Variants in SMAD5 observed in about 807,000 individuals in gnomAD.
The protein encoded by SMAD5 is SMAD family member 5, also known as MAD, mothers against decapentaplegic homolog 5.
SMAD5 carries 9 observed loss-of-function variants against 43.1 expected under a neutral mutation model. The observed-to-expected ratio is 0.21, with a 90% CI of 0.13 to 0.36. The LOEUF (loss-of-function observed/expected upper bound fraction) is 0.36. Among genes scored for constraint, SMAD5 ranks in the 10% least tolerant of loss-of-function variants. The probability of loss-of-function intolerance (pLI) is 1.00; values close to 1 mark genes in which losing one functional copy is unlikely to be tolerated. For synonymous variants in SMAD5, 190 were observed against 192.4 expected (o/e 0.99, Z 0.10); for missense variants, 348 against 574.0 (o/e 0.61, Z 4.02).
chr5:136,148,350 C>T (rs995106681), intron 2 of SMAD5, among the ~76,000 whole-genome samples: 2 of 151,510 alleles, frequency 1.3e-5, no homozygotes, highest in Non-Finnish European at 1.5e-5. Context: ...TTACCCTCCT[C>T]CCGAACAAAG....
chr5:136,158,234 GC>G, intron 3 of SMAD5, among the ~76,000 whole-genome samples: 1 of 151,766 alleles, frequency 6.6e-6, no homozygotes, highest in South Asian at 2.1e-4. Flanking sequence ...GATAAAAAAA[GC>G]CCCACATGAA....
At chr5:136,155,748 T>G (rs1753613531) in intron 3 of SMAD5, among the ~76,000 whole-genome samples, 1 of 152,214 alleles carries the variant, frequency 6.6e-6, no homozygotes, top group Admixed American at 6.5e-5. Flanking sequence ...GCATCACTAA[T>G]TGACTCTATA....
intron 4 of SMAD5, among the ~76,000 whole-genome samples, chr5:136,162,767 A>G (rs1023538912): frequency 2.0e-4 from 31 of 152,228 alleles, no homozygotes; most frequent in African/African-American, 6.0e-4. Flanking sequence ...CCATATTTGG[A>G]TGTTGCACAA....
rs1353864618 is a variant in SMAD5, at chr5:136,180,360, T to G, written c.*2880T>G. The G allele has an allele frequency of 6.6e-6, 1 of 152,174 alleles. No individual in the cohort carries two copies. The highest frequency in any genetic ancestry group is 1.9e-4 in the East Asian group (1 of 5,204). 9.4% of individuals were successfully genotyped at this position (152,174 alleles called of 1,614,324 possible). A position where few individuals can be genotyped will look rare whatever the true frequency, so the allele number is the denominator to read the frequency against. On this transcript the variant is annotated 3_prime_UTR_variant, in exon 8 of 8. Transcript: ENST00000545279. ...TCACATAGCATGTACAATATATTTA[T>G]GCTGGCTGAAAAGACAGAATCTGGG...
At position 136,179,986 on chromosome 5, in the gene SMAD5, C is replaced by T. The variant is rs1754569018; in HGVS notation, c.*2506C>T. On this transcript the variant is annotated 3_prime_UTR_variant, in exon 8 of 8. Transcript: ENST00000545279. ...AGTTAACAAGATCTTACGTGATTGG[C>T]CTTTTCTTTGTTTTCTCTTAGGAGT... 1 of 152,048 alleles carries T rather than the reference C, an allele frequency of 6.6e-6. No individual in the cohort carries two copies. Among genetic ancestry groups the T allele is most frequent in the Non-Finnish European group, 1.5e-5 (1 of 67,986 alleles). The allele number at this position is 152,048 out of a possible 1,614,324, so 9.4% of individuals were successfully genotyped here. A position where few individuals can be genotyped will look rare whatever the true frequency, so the allele number is the denominator to read the frequency against.
At chr5:136,153,097 G>A (rs984247041) in intron 2 of SMAD5, among the ~76,000 whole-genome samples, 1 of 152,088 alleles carries the variant, frequency 6.6e-6, no homozygotes, top group African/African-American at 2.4e-5. Flanking sequence ...TGTGACTTCA[G>A]TAGTATCATG....
chr5:136,148,865 G>A (rs1448992662), intron 2 of SMAD5, among the ~76,000 whole-genome samples: 1 of 151,818 alleles, frequency 6.6e-6, no homozygotes, highest in Non-Finnish European at 1.5e-5. Flanking sequence ...TAAGTGATCA[G>A]TCACAAGTAT....
intron 2 of SMAD5, among the ~76,000 whole-genome samples, chr5:136,150,884 C>T (rs1194286144): frequency 1.3e-5 from 2 of 151,978 alleles, no homozygotes; most frequent in Non-Finnish European, 2.9e-5. Context: ...ACCATCATCT[C>T]TATTTTACAG....
At position 136,178,742 on chromosome 5, in the gene SMAD5, G is replaced by A. The variant is rs115100643; in HGVS notation, c.*1262G>A. 6.6e-6 allele frequency: 1 copy of A among 152,364 alleles called. No individual in the cohort carries two copies. The highest frequency in any genetic ancestry group is 1.5e-5 in the Non-Finnish European group (1 of 68,102). The allele number at this position is 152,364 out of a possible 1,614,324, so 9.4% of individuals were successfully genotyped here. On this transcript the variant is annotated 3_prime_UTR_variant, in exon 8 of 8. Transcript: ENST00000545279. ...ATTTGATACTAAATGAATCAGCAGT[G>A]GATGTAGGGATAGCTGATTTTAAAA...
intron 5 of SMAD5, among the ~76,000 whole-genome samples, chr5:136,165,342 T>C (rs1340350598): frequency 6.6e-6 from 1 of 152,058 alleles, no homozygotes; most frequent in Non-Finnish European, 1.5e-5. Context: ...AGATGGAGTC[T>C]TACAGTGTTG....
At position 136,180,027 on chromosome 5, in the gene SMAD5, A is replaced by C. The variant is rs777964030; in HGVS notation, c.*2547A>C. The C allele has an allele frequency of 1.3e-5, 2 of 152,180 alleles. No homozygotes were observed. The highest frequency in any genetic ancestry group is 2.9e-5 in the Non-Finnish European group (2 of 68,018). 9.4% of individuals were successfully genotyped at this position (152,180 alleles called of 1,614,324 possible). On this transcript the variant is annotated 3_prime_UTR_variant, in exon 8 of 8. Transcript: ENST00000545279. ...TCTTAGGAGTTGTGTCTCATGAATG[A>C]CAGTACTAAAGCTATTAACAACTAA...
chr5:136,168,765 GTC>G (rs1483997937), intron 5 of SMAD5, among the ~76,000 whole-genome samples: 1 of 152,126 alleles, frequency 6.6e-6, no homozygotes, highest in African/African-American at 2.4e-5. Flanking sequence ...TCTTTTTACT[GTC>G]TCTATAGTTT....
intron 5 of SMAD5, 100 bp downstream of exon 5, chr5:136,163,491 C>T: frequency 2.0e-6 from 2 of 992,330 alleles, no homozygotes; most frequent in Non-Finnish European, 2.8e-6. Flanking sequence ...AATTTATATG[C>T]TATAAAATTT....
Position 136,136,759 on chromosome 5 carries a change from C to T in SMAD5, c.-245+3797C>T, listed in dbSNP as rs140828045. Among the ~76,000 whole-genome samples the T allele has an allele frequency of 5.5e-3, 830 of 152,102 alleles. 6 individuals are homozygous for T. The highest frequency in any genetic ancestry group is 9.5e-3 in the Non-Finnish European group (646 of 67,982). The stretch of plus-strand genomic sequence containing the variant: ...TCGCCCAGGCTGGGGTTCAGTGACG[C>T]GATCTTGACTCACTGCAATTCTGCC... On this transcript the variant is annotated intron_variant, in intron 1 of 7. Transcript: ENST00000545279.
chr5:136,164,931 A>G (rs781441083), intron 5 of SMAD5, among the ~76,000 whole-genome samples: 1 of 152,170 alleles, frequency 6.6e-6, no homozygotes, highest in Non-Finnish European at 1.5e-5. Context: ...TTTTTTGCAT[A>G]TAGAAATCCA....
At chr5:136,158,898 CA>C (rs112709281) in intron 3 of SMAD5, among the ~76,000 whole-genome samples, 31 of 143,632 alleles carry the variant, frequency 2.2e-4, no homozygotes, top group Admixed American at 2.8e-4. Context: ...GACTCCATCT[CA>C]AAAAAAAAAA....
At chr5:136,164,417 TTTTTAA>T (rs1753928090) in intron 5 of SMAD5, among the ~76,000 whole-genome samples, 1 of 152,258 alleles carries the variant, frequency 6.6e-6, no homozygotes, top group African/African-American at 2.4e-5. Context: ...ATTGTCTGGC[TTTTTAA>T]TTATAGCCAT....
At position 136,139,234 on chromosome 5, in the gene SMAD5, T is replaced by C. The variant is rs146347367; in HGVS notation, c.-245+6272T>C. ...AGTCAGTTTGTGTGTGTGTTTATTA[T>C]GAAAGTTGGTCAGGATGTAGTACTT... On this transcript the variant is annotated intron_variant, in intron 1 of 7. Transcript: ENST00000545279. 1.6e-3 allele frequency among the ~76,000 whole-genome samples: 247 copies of C among 152,100 alleles called. 2 individuals carry two copies. Among genetic ancestry groups the C allele is most frequent in the East Asian group, 9.9e-3 (51 of 5,172 alleles).
chr5:136,166,230 T>TC (rs1754007252), intron 5 of SMAD5, among the ~76,000 whole-genome samples: 2 of 152,022 alleles, frequency 1.3e-5, no homozygotes, highest in Non-Finnish European at 2.9e-5. Context: ...CATTGTGGCT[T>TC]TAATGCCACT....
Sources: allele counts gnomAD v4.1 joint callset (sites outside exome capture counted in the v4.1 genomes callset), GRCh38; gene constraint gnomAD v4.1.1; transcripts MANE v1.5; gene names NCBI Gene and HGNC (gene_info 2026-07-23, HGNC 2026-07-21).